Variants in IMMP2L observed in about 807,000 individuals in gnomAD.
The protein encoded by IMMP2L is mitochondrial inner membrane protease subunit 2.
IMMP2L carries 18 observed loss-of-function variants against 19.3 expected under a neutral mutation model. That is an observed-to-expected ratio of 0.93 (90% CI 0.64 to 1.38). The LOEUF (loss-of-function observed/expected upper bound fraction) is 1.38, where lower values mean the gene tolerates loss of function less well. Ranked by LOEUF, IMMP2L falls within the 40% of genes most tolerant of loss-of-function variation. IMMP2L has a pLI of 0.00. For missense variants in IMMP2L, 233 were observed against 218.2 expected, an observed-to-expected ratio of 1.07 and a Z score of -0.43; for synonymous variants, 76 against 73.0, an observed-to-expected ratio of 1.04 and a Z score of -0.21.
chr7:110,869,784 C>G (rs907384923), intron 5 of IMMP2L, among the ~76,000 whole-genome samples: 4 of 152,094 alleles, frequency 2.6e-5, no homozygotes, highest in Non-Finnish European at 5.9e-5. Flanking sequence ...AACAAAGTTT[C>G]TATTTAGATA....
intron 5 of IMMP2L, among the ~76,000 whole-genome samples, chr7:110,814,447 T>C (rs144110894): frequency 5.3e-4 from 80 of 150,546 alleles, no homozygotes; most frequent in African/African-American, 1.1e-3. Context: ...AAAAACTATA[T>C]AGTAAAAAAG....
Position 111,214,328 on chromosome 7 carries a change from C to CTTTTTTTTTTTTTTTTTTTTTTTTT in IMMP2L, c.240-250764_240-250763insAAAAAAAAAAAAAAAAAAAAAAAAA, listed in dbSNP as rs1484229556. Among the ~76,000 whole-genome samples the CTTTTTTTTTTTTTTTTTTTTTTTTT allele has an allele frequency of 1.3e-4, 11 of 85,110 alleles. 4 individuals carry two copies. Among genetic ancestry groups the CTTTTTTTTTTTTTTTTTTTTTTTTT allele is most frequent in the Non-Finnish European group, 1.6e-4 (7 of 44,320 alleles). 55.8% of individuals were successfully genotyped at this position (85,110 alleles called of 152,430 possible). A position where few individuals can be genotyped will look rare whatever the true frequency, so the allele number is the denominator to read the frequency against. Reference sequence around the variant, plus strand: ...GTGAATGAATGACAAAGTAATTTTTCTTCTTTTTTTTTTTTTTTTTTTTTT... The same window carrying CTTTTTTTTTTTTTTTTTTTTTTTTT: ...GTGAATGAATGACAAAGTAATTTTTCTTTTTTTTTTTTTTTTTTTTTTTTTTTCTTTTTTTTTTTTTTTTTTTTTT... On this transcript the variant is annotated intron_variant, in intron 3 of 5. Transcript: ENST00000405709.
intron 3 of IMMP2L, among the ~76,000 whole-genome samples, chr7:110,997,261 T>C (rs1200839853): frequency 6.6e-6 from 1 of 152,136 alleles, no homozygotes; most frequent in Non-Finnish European, 1.5e-5. Context: ...TATTTCATGT[T>C]ATGGATGTAT....
intron 5 of IMMP2L, among the ~76,000 whole-genome samples, chr7:110,789,051 G>A (rs912659561): frequency 6.6e-6 from 1 of 151,764 alleles, no homozygotes; most frequent in African/African-American, 2.4e-5. Context: ...TGGGGAAGCT[G>A]TGTGTAGGTG....
At chr7:110,873,429 C>CAAAAAAAAAAAAAAAA (rs60827428) in intron 5 of IMMP2L, among the ~76,000 whole-genome samples, 1 of 28,952 alleles carries the variant, frequency 3.5e-5, no homozygotes, top group Non-Finnish European at 7.2e-5. Context: ...GACTCTATCT[C>CAAAAAAAAAAAAAAAA]AAAAAAAAAA....
chr7:111,062,862 C>T (rs769215000), intron 3 of IMMP2L, among the ~76,000 whole-genome samples: 1 of 152,242 alleles, frequency 6.6e-6, no homozygotes, highest in Non-Finnish European at 1.5e-5. Context: ...ACAGCTCTGC[C>T]CCTGTGGCTT....
chr7:110,979,978 G>T (rs1821094807), intron 3 of IMMP2L, among the ~76,000 whole-genome samples: 1 of 152,086 alleles, frequency 6.6e-6, no homozygotes. Context: ...TAGACAAAAA[G>T]TCATGGAACC....
At chr7:110,983,246 T>C (rs927764720) in intron 3 of IMMP2L, among the ~76,000 whole-genome samples, 1 of 152,018 alleles carries the variant, frequency 6.6e-6, no homozygotes, top group Non-Finnish European at 1.5e-5. Flanking sequence ...AATTATTAGA[T>C]CCTAGACTTC....
intron 3 of IMMP2L, among the ~76,000 whole-genome samples, chr7:111,125,817 C>CTTT (rs1217257175): frequency 2.1e-3 from 211 of 100,160 alleles, no homozygotes; most frequent in Non-Finnish European, 2.7e-3. Flanking sequence ...AGGCCGCTTG[C>CTTT]TTTTTTTTTT....
intron 5 of IMMP2L, among the ~76,000 whole-genome samples, chr7:110,730,688 C>T (rs574423520): frequency 1.3e-5 from 2 of 152,254 alleles, no homozygotes; most frequent in East Asian, 3.9e-4. Flanking sequence ...CCACGCCCAG[C>T]TAATTTTTTT....
intron 3 of IMMP2L, among the ~76,000 whole-genome samples, chr7:111,182,514 T>C (rs1246723381): frequency 6.6e-6 from 1 of 151,742 alleles, no homozygotes; most frequent in East Asian, 1.9e-4. Context: ...CAAGATAGAG[T>C]TTCTCAGTTT....
intron 5 of IMMP2L, among the ~76,000 whole-genome samples, chr7:110,841,971 T>G (rs1275299995): frequency 6.6e-6 from 1 of 152,188 alleles, no homozygotes; most frequent in Non-Finnish European, 1.5e-5. Context: ...AGCTTTGAAC[T>G]GTACAGCCTC....
At chr7:111,423,147 G>A (rs1262239581) in intron 3 of IMMP2L, among the ~76,000 whole-genome samples, 2 of 151,796 alleles carry the variant, frequency 1.3e-5, no homozygotes, top group Non-Finnish European at 1.5e-5. Flanking sequence ...TTTCTGCATC[G>A]ATTTTCATCA....
At chr7:110,743,560 T>C (rs1431229380) in intron 5 of IMMP2L, among the ~76,000 whole-genome samples, 1 of 152,090 alleles carries the variant, frequency 6.6e-6, no homozygotes, top group Non-Finnish European at 1.5e-5. Flanking sequence ...AGAAGGCAGG[T>C]GATTTCTGCA....
In IMMP2L at chr7:111,123,435, T is replaced by A. The variant is rs1366672476; in HGVS notation, c.240-159870A>T. 4 of 1,613,554 alleles carry A rather than the reference T, an allele frequency of 2.5e-6. No individual in the cohort carries two copies. Among genetic ancestry groups the A allele is most frequent in the Non-Finnish European group, 3.4e-6 (4 of 1,179,844 alleles). Reference sequence around the variant, plus strand: ...ATCTTCGCAGCCTGGTTATAGCTGGTATAAACCTCACAGAAATACCAGATA... The same window carrying A: ...ATCTTCGCAGCCTGGTTATAGCTGGAATAAACCTCACAGAAATACCAGATA... On this transcript the variant is annotated intron_variant, in intron 3 of 5. Transcript: ENST00000405709. The surrounding 1 kb of genome is among the most constrained non-coding windows in gnomAD (Gnocchi z 6.4).
At chr7:110,767,886 A>AT (rs1436838436) in intron 5 of IMMP2L, among the ~76,000 whole-genome samples, 5 of 152,220 alleles carry the variant, frequency 3.3e-5, no homozygotes, top group East Asian at 1.9e-4. Flanking sequence ...CACTTAAGAC[A>AT]TTTTTTTGGA....
intron 3 of IMMP2L, among the ~76,000 whole-genome samples, chr7:111,120,158 G>A (rs1386027021): frequency 6.6e-6 from 1 of 152,036 alleles, no homozygotes. Context: ...CAAAGACACT[G>A]GTATAGATTT....
At chr7:111,110,677 A>T (rs1799095769) in intron 3 of IMMP2L, among the ~76,000 whole-genome samples, 1 of 152,216 alleles carries the variant, frequency 6.6e-6, no homozygotes, top group Admixed American at 6.5e-5. Flanking sequence ...GAATGTTTCT[A>T]CATATATGAA....
At chr7:110,852,856 C>T (rs1806378362) in intron 5 of IMMP2L, among the ~76,000 whole-genome samples, 1 of 152,000 alleles carries the variant, frequency 6.6e-6, no homozygotes, top group Non-Finnish European at 1.5e-5. Flanking sequence ...CATAATTTGT[C>T]AGAAACATGA....
Sources: gnomAD v4.1 joint callset for allele counts (sites outside exome capture counted in the v4.1 genomes callset) on GRCh38, gnomAD v4.1.1 for gene constraint, Gnocchi (gnomAD v3.1) non-coding constraint, MANE v1.5 for transcripts, NCBI Gene and HGNC (gene_info 2026-07-23, HGNC 2026-07-21) for gene names.